The following RALGAPA1 variants were observed in gnomAD, a reference collection of about 807,000 sequenced individuals.
RALGAPA1 encodes Ral GTPase activating protein catalytic subunit alpha 1, also known as ral GTPase-activating protein subunit alpha-1.
In RALGAPA1, 52 loss-of-function variants were observed where a neutral mutation model predicts 269.6. The ratio of observed to expected loss-of-function variants is 0.19; its 90% CI spans 0.15 to 0.24. The LOEUF is 0.24. Among genes scored for constraint, RALGAPA1 ranks in the 10% least tolerant of loss-of-function variants. RALGAPA1 has a pLI of 1.00. For synonymous variants in RALGAPA1, 817 were observed against 1,008.3 expected, an observed-to-expected ratio of 0.81 and a Z score of 3.60; for missense variants, 1,917 against 3,013.9, an observed-to-expected ratio of 0.64 and a Z score of 8.52.
chr14:35,801,575 C>T (rs528118981), intron 1 of RALGAPA1, among the ~76,000 whole-genome samples: 1 of 152,092 alleles, frequency 6.6e-6, no homozygotes, highest in South Asian at 2.1e-4. Flanking sequence ...GACATGAATC[C>T]TATAATATTA....
chr14:35,687,219 C>T (rs28429106), intron 18 of RALGAPA1, among the ~76,000 whole-genome samples: 16,987 of 151,956 alleles, frequency 0.11, 1,575 homozygotes, highest in East Asian at 0.37. Flanking sequence ...CAAAAAAACC[C>T]AAAATAGTTA....
chr14:35,657,693 T>C (rs201955362), intron 28 of RALGAPA1, among the ~76,000 whole-genome samples: 1 of 126,234 alleles, frequency 7.9e-6, no homozygotes, highest in South Asian at 2.4e-4. Flanking sequence ...ATATATATTT[T>C]TTTTTTTTTT....
chr14:35,585,953 G>A (rs1486626365), intron 37 of RALGAPA1, among the ~76,000 whole-genome samples: 2 of 152,200 alleles, frequency 1.3e-5, no homozygotes, highest in African/African-American at 4.8e-5. Flanking sequence ...TTGGTTCCAC[G>A]TGAACTTTAA....
At chr14:35,790,417 G>A (rs1378196684) in intron 1 of RALGAPA1, among the ~76,000 whole-genome samples, 2 of 151,442 alleles carry the variant, frequency 1.3e-5, no homozygotes, top group African/African-American at 4.9e-5. Context: ...GCCAAGCGCG[G>A]TAGCTCAGGC....
intron 4 of RALGAPA1, chr14:35,766,153 T>G: frequency 1.1e-6 from 1 of 911,580 alleles, no homozygotes; most frequent in Non-Finnish European, 1.8e-6. Flanking sequence ...TGTGGGCTTG[T>G]TGGTTTCAAA....
intron 40 of RALGAPA1, 71 bp from the exon 41 acceptor site, chr14:35,548,609 A>T: frequency 9.6e-7 from 1 of 1,041,552 alleles, no homozygotes; most frequent in Non-Finnish European, 1.4e-6. Context: ...GCCACGAGTC[A>T]TTTATTTTCT....
At chr14:35,608,994 A>C (rs1165496892) in intron 35 of RALGAPA1, among the ~76,000 whole-genome samples, 1 of 152,240 alleles carries the variant, frequency 6.6e-6, no homozygotes, top group Non-Finnish European at 1.5e-5. Flanking sequence ...TGGGAGGCTG[A>C]GGCGGGTGGA....
In RALGAPA1 at chr14:35,570,640, A is replaced by C. The variant is rs773676588; in HGVS notation, c.7473T>G (p.Ser2491=). ...ACAAGTTTTGATACAATGGAATCAG[A>C]GATTTCAGAGCACGGCTTGCATTTA... is the stretch of plus-strand genomic sequence containing the variant. ...TAINASRALK[S]LIPLYQNFYE... Residue 2491 remains serine (S), a synonymous_variant, in exon 39 of 42, where the codon TCT becomes TCG. Coordinates refer to ENST00000680220, the MANE Select transcript of RALGAPA1 (RefSeq NM_001346249.2). The C allele has an allele frequency of 6.2e-7, 1 of 1,606,036 alleles. No homozygotes were observed. Among genetic ancestry groups the C allele is most frequent in the Non-Finnish European group, 8.5e-7 (1 of 1,177,938 alleles).
intron 1 of RALGAPA1, among the ~76,000 whole-genome samples, chr14:35,785,247 C>A (rs1170316040): frequency 1.3e-5 from 2 of 152,136 alleles, no homozygotes; most frequent in African/African-American, 2.4e-5. Flanking sequence ...TTGCACAATG[C>A]AAATACTTTA....
At chr14:35,569,362 C>T (rs1224235799) in intron 39 of RALGAPA1, among the ~76,000 whole-genome samples, 3 of 151,972 alleles carry the variant, frequency 2.0e-5, no homozygotes, top group Admixed American at 2.0e-4. Flanking sequence ...AAAGGAATAT[C>T]AGAAAACAAT....
At chr14:35,639,532 C>T (rs1224652105) in intron 31 of RALGAPA1, among the ~76,000 whole-genome samples, 1 of 152,158 alleles carries the variant, frequency 6.6e-6, no homozygotes, top group African/African-American at 2.4e-5. Flanking sequence ...AAAAATAAGT[C>T]TTAACATATT....
At chr14:35,651,719 T>A in intron 31 of RALGAPA1, 86 bp downstream of exon 31, 1 of 1,209,950 alleles carries the variant, frequency 8.3e-7, no homozygotes. Context: ...ATTTTTACCA[T>A]GTAAATATAC....
At chr14:35,585,720 A>G (rs1283029131) in intron 37 of RALGAPA1, among the ~76,000 whole-genome samples, 1 of 152,122 alleles carries the variant, frequency 6.6e-6, no homozygotes, top group East Asian at 1.9e-4. Flanking sequence ...TCCTTTCCCC[A>G]TTTCTTGTTT....
chr14:35,658,303 T>C (rs1346361049), intron 28 of RALGAPA1, among the ~76,000 whole-genome samples: 1 of 152,230 alleles, frequency 6.6e-6, no homozygotes, highest in Non-Finnish European at 1.5e-5. Flanking sequence ...AATGGTTCAC[T>C]GTACATTATT....
At chr14:35,793,806 A>G (rs908678205) in intron 1 of RALGAPA1, among the ~76,000 whole-genome samples, 1 of 152,214 alleles carries the variant, frequency 6.6e-6, no homozygotes, top group African/African-American at 2.4e-5. Flanking sequence ...GTTTCCTTTA[A>G]GTGATGGCTA....
intron 6 of RALGAPA1, among the ~76,000 whole-genome samples, chr14:35,758,267 C>A (rs1283774811): frequency 2.1e-3 from 226 of 106,734 alleles, no homozygotes; most frequent in African/African-American, 3.8e-3. Flanking sequence ...AAAAAAAAAA[C>A]AAACCGAAAA....
chr14:35,802,240 G>A (rs150470967), intron 1 of RALGAPA1, among the ~76,000 whole-genome samples: 3,275 of 152,156 alleles, frequency 0.022, 111 homozygotes, highest in African/African-American at 0.07. Context: ...CCTGGGAGGC[G>A]GAGGTTGCAG....
At chr14:35,652,079 T>C (rs1460357750) in intron 30 of RALGAPA1, among the ~76,000 whole-genome samples, 1 of 152,140 alleles carries the variant, frequency 6.6e-6, no homozygotes, top group Non-Finnish European at 1.5e-5. Flanking sequence ...AATCCTCATG[T>C]ACAGAACCAA....
Position 35,688,926 on chromosome 14 carries a change from T to G in RALGAPA1, c.3485A>C (p.Gln1162Pro), listed in dbSNP as rs2066227586. Residue 1162 changes from glutamine to proline, a missense_variant, in exon 18 of 42, where the codon CAG (glutamine) becomes CCG (proline). Physicochemically the swap from Gln to Pro is moderately conservative, Grantham distance 76. This residue lies in a region of RALGAPA1 where 615 missense variants were observed against 790.0 expected (regional missense o/e 0.78). Transcript: ENST00000680220. ...VTFRPSTESV[Q>P]FYNPLENKEA... ...TTTGTTTTCCAGAGGATTATAAAAC[T>G]GAACGGACTCAGTGGATGGCCTAAA... 8.0e-7 allele frequency: 1 copy of G among 1,254,344 alleles called. No homozygotes were observed. 77.7% of individuals were successfully genotyped at this position (1,254,344 alleles called of 1,614,324 possible).
Sources: allele counts gnomAD v4.1 joint callset (sites outside exome capture counted in the v4.1 genomes callset), GRCh38; gene constraint gnomAD v4.1.1; regional missense constraint gnomAD v4.1.1; transcripts MANE v1.5; gene names NCBI Gene and HGNC (gene_info 2026-07-23, HGNC 2026-07-21).